CABIN1: variants seen among roughly 807,000 people sequenced by gnomAD.
CABIN1 encodes the protein calcineurin-binding protein cabin-1.
CABIN1 carries 133 observed loss-of-function variants against 227.7 expected under a neutral mutation model. The observed-to-expected ratio is 0.58, with a 90% confidence interval of 0.51 to 0.67. CABIN1 has a LOEUF of 0.67. Ranked by LOEUF, CABIN1 falls within the 30% of genes least tolerant of loss-of-function variation. The pLI, the probability that CABIN1 is intolerant of heterozygous loss-of-function variation, is 0.00. For synonymous variants in CABIN1, 1,086 were observed against 1,155.1 expected (o/e 0.94, Z 1.21); for missense variants, 2,408 against 2,852.5 (o/e 0.84, Z 3.55).
At chr22:24,163,716 C>T (rs2046288167) in intron 29 of CABIN1, among the ~76,000 whole-genome samples, 1 of 152,216 alleles carries the variant, frequency 6.6e-6, no homozygotes. Context: ...CCATGCTGGT[C>T]ACTAGGACAC....
At chr22:24,171,590 C>T in intron 33 of CABIN1, 123 bp from the exon 34 acceptor site, 4 of 1,099,712 alleles carry the variant, frequency 3.6e-6, no homozygotes, top group South Asian at 1.4e-5. Flanking sequence ...GCCATATGGG[C>T]AGTGTTGGCA....
intron 34 of CABIN1, 90 bp downstream of exon 34, chr22:24,172,085 G>T: frequency 6.9e-7 from 1 of 1,454,554 alleles, no homozygotes; most frequent in Non-Finnish European, 9.3e-7. Context: ...GGTAAGGGAG[G>T]CAAGCAGTGC....
chr22:24,134,957 A>C (rs770873559), intron 29 of CABIN1, among the ~76,000 whole-genome samples: 9 of 151,742 alleles, frequency 5.9e-5, no homozygotes, highest in Non-Finnish European at 1.2e-4. Flanking sequence ...GGGCGCCATA[A>C]TCCCAGCTAC....
chr22:24,052,206 C>T (rs1030378200), intron 8 of CABIN1, among the ~76,000 whole-genome samples: 6 of 152,108 alleles, frequency 3.9e-5, no homozygotes, highest in African/African-American at 1.2e-4. Flanking sequence ...GGCCACCCTC[C>T]ATGGTGTAGG....
intron 26 of CABIN1, among the ~76,000 whole-genome samples, chr22:24,101,073 G>A (rs770832466): frequency 3.3e-5 from 5 of 152,194 alleles, no homozygotes; most frequent in Admixed American, 6.5e-5. Context: ...CAGCTCCTGA[G>A]TGGGCTTGGG....
chr22:24,044,593 ACT>A (rs2037697726), intron 6 of CABIN1, among the ~76,000 whole-genome samples: 1 of 152,188 alleles, frequency 6.6e-6, no homozygotes, highest in Non-Finnish European at 1.5e-5. Context: ...TTAGCATTTC[ACT>A]ATAAGCAGTC....
chr22:24,104,163 T>C (rs2042370939), intron 26 of CABIN1, among the ~76,000 whole-genome samples: 1 of 152,088 alleles, frequency 6.6e-6, no homozygotes, highest in Admixed American at 6.5e-5. Context: ...AGGATCTCTC[T>C]CTCTCTGGGC....
intron 6 of CABIN1, among the ~76,000 whole-genome samples, chr22:24,043,516 C>A (rs917950086): frequency 3.3e-5 from 5 of 151,970 alleles, no homozygotes; most frequent in Non-Finnish European, 7.4e-5. Flanking sequence ...CTTTAGGGGG[C>A]CAAGGCAGGC....
intron 1 of CABIN1, among the ~76,000 whole-genome samples, chr22:24,017,914 C>T (rs2035424689): frequency 6.6e-6 from 1 of 152,082 alleles, no homozygotes; most frequent in Non-Finnish European, 1.5e-5. Context: ...TCTTGTCACC[C>T]AGGCTGGAAT....
chr22:24,021,333 A>G (rs2035714173), intron 1 of CABIN1, among the ~76,000 whole-genome samples: 1 of 151,140 alleles, frequency 6.6e-6, no homozygotes, highest in Admixed American at 6.6e-5. Flanking sequence ...ATTTTAAAAT[A>G]TTTTTGTAGA....
In CABIN1 at chr22:24,101,021, G is replaced by T. The variant is rs113093034; in HGVS notation, c.4117+2829G>T. Among the ~76,000 whole-genome samples the T allele has an allele frequency of 2.4e-3, 371 of 152,294 alleles. 2 individuals carry two copies. Among genetic ancestry groups the T allele is most frequent in the Non-Finnish European group, 3.1e-3 (210 of 68,030 alleles). On this transcript the variant is annotated intron_variant, in intron 26 of 36. Transcript: ENST00000263119. ...GCACCCCACCTCTCTCCAGCTAGTG[G>T]CATGGCCTCACAAGAGGTGGAGGTA...
intron 29 of CABIN1, among the ~76,000 whole-genome samples, chr22:24,136,245 G>A (rs2044386588): frequency 6.6e-6 from 1 of 151,398 alleles, no homozygotes; most frequent in African/African-American, 2.4e-5. Flanking sequence ...ATCTCTAACA[G>A]TATCTCTTGG....
Position 24,066,311 on chromosome 22 carries a change from A to G in CABIN1, c.2038-676A>G, listed in dbSNP as rs571292036. On this transcript the variant is annotated intron_variant, in intron 15 of 36. Transcript: ENST00000263119. ...CAGTCATTGCTCTGCTCTCCTGGCT[A>G]TGTGTGGCAGCCACCCCAGTGGAAC... Among the ~76,000 whole-genome samples, 10 of 152,296 alleles carry G rather than the reference A, an allele frequency of 6.6e-5. No homozygotes were observed. The East Asian group carries it at 1.7e-3, about 26-fold the overall frequency.
chr22:24,021,229 A>C (rs1055466945), intron 1 of CABIN1, among the ~76,000 whole-genome samples: 1 of 151,778 alleles, frequency 6.6e-6, no homozygotes, highest in Non-Finnish European at 1.5e-5. Context: ...TATCTTGCCC[A>C]GGGTGGTCTC....
chr22:24,018,293 A>G (rs1008707176), intron 1 of CABIN1, among the ~76,000 whole-genome samples: 3 of 151,994 alleles, frequency 2.0e-5, no homozygotes, highest in Non-Finnish European at 4.4e-5. Context: ...TGTCATGCAA[A>G]AATTTTTAAA....
chr22:24,027,668 A>G (rs941263399), intron 1 of CABIN1, among the ~76,000 whole-genome samples: 11 of 152,238 alleles, frequency 7.2e-5, no homozygotes, highest in African/African-American at 2.7e-4. Context: ...CATTATTGCA[A>G]GGATGGGCTT....
rs2040447149 is a variant in CABIN1 at position 24,076,398 on chromosome 22, T to G, written c.2748+114T>G. The G allele has an allele frequency of 4.5e-5, 35 of 785,830 alleles. No individual in the cohort carries two copies. In the South Asian group the frequency reaches 5.0e-4, roughly 11 times the overall value. The allele number at this position is 785,830 out of a possible 1,614,324, so 48.7% of individuals were successfully genotyped here. On this transcript the variant is annotated intron_variant, in intron 19 of 36. Transcript: ENST00000263119. ...CACGCTGGGCTTGCTTGGCCTTCCC[T>G]CAGTGGGCCCACTGTGTGTCTTTGA...
At chr22:24,076,120 C>T (rs751245363) in intron 18 of CABIN1, 49 bp from the exon 19 acceptor site, 324 of 1,420,384 alleles carry the variant, frequency 2.3e-4, no homozygotes, top group Non-Finnish European at 3.1e-4. Context: ...CCTGCAGGCA[C>T]GCAGGTTCCC....
chr22:24,143,006 T>A (rs377644176), intron 29 of CABIN1, among the ~76,000 whole-genome samples: 3 of 152,176 alleles, frequency 2.0e-5, no homozygotes, highest in African/African-American at 7.2e-5. Flanking sequence ...TGCCAGGCCC[T>A]GGGCCAGCTG....
Sources: allele counts gnomAD v4.1 joint callset (sites outside exome capture counted in the v4.1 genomes callset), GRCh38; gene constraint gnomAD v4.1.1; transcripts MANE v1.5; gene names NCBI Gene and HGNC (gene_info 2026-07-23, HGNC 2026-07-21).